MYO18B: variants seen among roughly 807,000 people sequenced by gnomAD.
MYO18B encodes unconventional myosin-XVIIIb.
In MYO18B, 204 loss-of-function variants were observed where a neutral mutation model predicts 273.0. The ratio of observed to expected loss-of-function variants is 0.75; its 90% CI spans 0.67 to 0.84. MYO18B has a LOEUF of 0.84. MYO18B is among the 40% of genes least tolerant of loss of function. The probability of loss-of-function intolerance (pLI) is 0.00; values close to 1 mark genes in which losing one functional copy is unlikely to be tolerated. For synonymous variants in MYO18B, 1,330 were observed against 1,305.7 expected (o/e 1.02, Z -0.40); for missense variants, 3,212 against 3,287.6 (o/e 0.98, Z 0.56).
At chr22:26,006,948 C>A (rs6004885) in intron 42 of MYO18B, among the ~76,000 whole-genome samples, 5,825 of 152,256 alleles carry the variant, frequency 0.038, 126 homozygotes, top group African/African-American at 0.064. Flanking sequence ...AGCAACTGAT[C>A]CATGCATAGA....
chr22:26,038,071 A>G, the MYO18B span, among the ~76,000 whole-genome samples: 1 of 152,220 alleles, frequency 6.6e-6, no homozygotes, highest in Non-Finnish European at 1.5e-5. Flanking sequence ...AGGAGCATCT[A>G]TTGCCTAAAG....
chr22:26,033,144 A>G (rs1049088794), downstream of MYO18B, among the ~76,000 whole-genome samples: 2 of 152,232 alleles, frequency 1.3e-5, no homozygotes, highest in African/African-American at 2.4e-5. Flanking sequence ...CCTGGCATTG[A>G]TGTTTCCTGG....
At chr22:25,761,763 C>T (rs1330183662) in intron 2 of MYO18B, among the ~76,000 whole-genome samples, 2 of 152,184 alleles carry the variant, frequency 1.3e-5, no homozygotes, top group African/African-American at 4.8e-5. Flanking sequence ...GCCCCTGCCC[C>T]TGCCCCTCCC....
rs535411346 is a variant in MYO18B, at chr22:25,850,303, G to A, written c.3776-1167G>A. On this transcript the variant is annotated intron_variant, in intron 20 of 43. Coordinates refer to ENST00000335473, the MANE Select transcript of MYO18B (RefSeq NM_032608.7). ...GTACCCAGGGAAGAGTCTAAACCTC[G>A]AGACCTGGAATTTGCGCTCAATTTC... 1.5e-3 allele frequency among the ~76,000 whole-genome samples: 228 copies of A among 152,226 alleles called. 7 individuals are homozygous for A. The South Asian group carries it at 0.036, about 24-fold the overall frequency.
chr22:25,758,211 C>T (rs2086186670), intron 1 of MYO18B, among the ~76,000 whole-genome samples: 1 of 152,002 alleles, frequency 6.6e-6, no homozygotes, highest in Non-Finnish European at 1.5e-5. Flanking sequence ...ACAGGGTTTC[C>T]CCATGTTGGC....
intron 34 of MYO18B, among the ~76,000 whole-genome samples, chr22:25,937,689 G>A (rs995351455): frequency 2.0e-5 from 3 of 151,056 alleles, no homozygotes; most frequent in Non-Finnish European, 4.4e-5. Context: ...AGGTTCAAGC[G>A]ATTCTCCTGC....
intron 42 of MYO18B, among the ~76,000 whole-genome samples, chr22:26,008,570 C>A (rs1934626567): frequency 6.6e-6 from 1 of 152,210 alleles, no homozygotes; most frequent in Non-Finnish European, 1.5e-5. Flanking sequence ...AGAAATACAC[C>A]TAAAGCGTTA....
At chr22:25,772,067 G>A (rs751556721) in intron 6 of MYO18B, among the ~76,000 whole-genome samples, 23 of 152,210 alleles carry the variant, frequency 1.5e-4, no homozygotes, top group Non-Finnish European at 2.4e-4. Flanking sequence ...CCTTGGGAGC[G>A]TCTCCCCTCA....
At chr22:25,827,110 C>T (rs6004782) in intron 14 of MYO18B, among the ~76,000 whole-genome samples, 2,678 of 152,170 alleles carry the variant, frequency 0.018, 102 homozygotes, top group East Asian at 0.14. Context: ...TGTAAAAATG[C>T]CAATAATAAA....
chr22:25,745,681 A>G (rs750184392), intron 1 of MYO18B, among the ~76,000 whole-genome samples: 1 of 146,590 alleles, frequency 6.8e-6, no homozygotes, highest in Non-Finnish European at 1.5e-5. Context: ...CAACAGAGGA[A>G]AGATCCTCAA....
intron 39 of MYO18B, among the ~76,000 whole-genome samples, chr22:25,985,688 G>A (rs2093194904): frequency 6.7e-6 from 1 of 149,276 alleles, no homozygotes; most frequent in African/African-American, 2.5e-5. Flanking sequence ...GGAGTGCAGT[G>A]GCGCAATCTC....
intron 28 of MYO18B, 149 bp downstream of exon 28, chr22:25,895,429 A>T (rs1295412209): frequency 1.1e-6 from 1 of 871,510 alleles, no homozygotes; most frequent in Non-Finnish European, 1.7e-6. Flanking sequence ...CACTATTATT[A>T]CAAATGCTGG....
At chr22:25,866,106 G>A (rs1335709014) in intron 21 of MYO18B, among the ~76,000 whole-genome samples, 1 of 152,058 alleles carries the variant, frequency 6.6e-6, no homozygotes, top group Admixed American at 6.5e-5. Context: ...GAAGTTTTCT[G>A]TGATGTCTTT....
At chr22:25,930,985 TC>T (rs2146500955) in intron 34 of MYO18B, among the ~76,000 whole-genome samples, 1 of 152,292 alleles carries the variant, frequency 6.6e-6, no homozygotes, top group South Asian at 2.1e-4. Context: ...CCGTGTGTCA[TC>T]CATGCTTCCA....
chr22:26,050,361 G>A, the MYO18B span, among the ~76,000 whole-genome samples: 2 of 152,208 alleles, frequency 1.3e-5, no homozygotes, highest in Admixed American at 6.5e-5. Flanking sequence ...TGGGAATTTC[G>A]ATATACAGAC....
At position 25,874,229 on chromosome 22, in the gene MYO18B, C is replaced by CCCCG. The variant is rs1174864931; in HGVS notation, c.3952-56_3952-55insCCGC. The stretch of plus-strand genomic sequence containing the variant: ...TGGGGTCTGATTTGCAAGCACCCCC[C>CCCCG]CATTGTAGACAGCCTTCTTCAGCAG... On this transcript the variant is annotated intron_variant, in intron 22 of 43. Coordinates refer to ENST00000335473, the MANE Select transcript of MYO18B (RefSeq NM_032608.7). 5.0e-6 allele frequency: 8 copies of CCCCG among 1,605,424 alleles called. No individual in the cohort carries two copies. In the East Asian group the frequency reaches 1.8e-4, roughly 36 times the overall value.
At chr22:26,033,302 C>T (rs750709101), downstream of MYO18B, among the ~76,000 whole-genome samples, 27 of 152,220 alleles carry the variant, frequency 1.8e-4, no homozygotes, top group Non-Finnish European at 5.9e-5. Flanking sequence ...CAGGCAGAGT[C>T]ACCCTGCCTT....
At chr22:26,058,669 C>T in the MYO18B span, among the ~76,000 whole-genome samples, 1 of 152,088 alleles carries the variant, frequency 6.6e-6, no homozygotes, top group Non-Finnish European at 1.5e-5. Context: ...TTCCTGCAAG[C>T]GCTGGTTGTT....
chr22:26,005,137 C>T (rs1351831215), intron 42 of MYO18B, among the ~76,000 whole-genome samples: 2 of 152,168 alleles, frequency 1.3e-5, no homozygotes, highest in African/African-American at 2.4e-5. Context: ...CTCTCCAGAG[C>T]ATGGTTTTCC....
Sources: gnomAD v4.1 joint callset for allele counts (sites outside exome capture counted in the v4.1 genomes callset) on GRCh38, gnomAD v4.1.1 for gene constraint, MANE v1.5 for transcripts, NCBI Gene and HGNC (gene_info 2026-07-23, HGNC 2026-07-21) for gene names.